MMP7: variants seen among roughly 807,000 people sequenced by gnomAD.
MMP7 encodes the protein matrilysin.
A neutral mutation model predicts 31.5 loss-of-function variants in MMP7; 26 were observed. The observed-to-expected ratio is 0.83, with a 90% CI of 0.61 to 1.15. The LOEUF is 1.15. MMP7 is among the 50% of genes most tolerant of loss of function. The pLI is 0.00. For synonymous variants in MMP7, 142 were observed against 124.2 expected (o/e 1.14, Z -0.95); for missense variants, 367 against 326.5 (o/e 1.12, Z -0.96).
At chr11:102,527,250 G>T (rs1172667878) in intron 3 of MMP7, 5 of 432,300 alleles carry the variant, frequency 1.2e-5, no homozygotes, top group Non-Finnish European at 1.3e-5. Flanking sequence ...AAATGAAGGA[G>T]CCTGACTGTG....
chr11:102,520,764 T>A lies in MMP7; in HGVS notation c.*12A>T. 2 of 1,561,638 alleles carry A rather than the reference T, an allele frequency of 1.3e-6. No individual in the cohort carries two copies. The highest frequency in any genetic ancestry group is 2.3e-5 in the South Asian group (2 of 88,882). ...CCAATGAATGAATGAATGGATGTTC[T>A]GCCTGAAGTTTCTATTTCTTTCTTG... On this transcript the variant is annotated 3_prime_UTR_variant, in exon 6 of 6. Transcript: ENST00000260227.
chr11:102,528,309 T>G (rs1278280674), intron 1 of MMP7, among the ~76,000 whole-genome samples: 1 of 152,204 alleles, frequency 6.6e-6, no homozygotes, highest in African/African-American at 2.4e-5. Flanking sequence ...CATGTACCAG[T>G]CTGTCCTCAG....
intron 5 of MMP7, among the ~76,000 whole-genome samples, chr11:102,521,024 G>C (rs545860684): frequency 6.6e-6 from 1 of 152,156 alleles, no homozygotes; most frequent in Non-Finnish European, 1.5e-5. Flanking sequence ...TTTGCATCTT[G>C]TTTCTACCAG....
chr11:102,527,312 T>C (rs558291555), intron 3 of MMP7: 1 of 581,432 alleles, frequency 1.7e-6, no homozygotes, highest in South Asian at 2.2e-5. Context: ...ATTTGGCTCA[T>C]GCATCATAGT....
At chr11:102,527,125 G>A (rs930349443) in intron 3 of MMP7, 8 of 239,092 alleles carry the variant, frequency 3.3e-5, no homozygotes, top group African/African-American at 1.4e-4. Flanking sequence ...AATAATTCAC[G>A]TTACAAAACA....
chr11:102,527,316 T>C (rs1485805654), intron 3 of MMP7: 1 of 598,702 alleles, frequency 1.7e-6, no homozygotes, highest in East Asian at 3.0e-5. Context: ...GGCTCATGCA[T>C]CATAGTTTGC....
Position 102,526,272 on chromosome 11 carries a change from C to T in MMP7, c.485-1208G>A, listed in dbSNP as rs147543852. Among the ~76,000 whole-genome samples, 3 of 146,344 alleles carry T rather than the reference C, an allele frequency of 2.0e-5. No individual in the cohort carries two copies. In the East Asian group the frequency reaches 6.0e-4, roughly 29 times the overall value. ...TTTTTTCTTTTGAGACATAGTCTTG[C>T]TCTGTTGCCCAGGCTGGAATACAGT... On this transcript the variant is annotated intron_variant, in intron 3 of 5. Coordinates refer to ENST00000260227, the MANE Select transcript of MMP7 (RefSeq NM_002423.5).
At chr11:102,524,864 T>A in intron 4 of MMP7, 72 bp downstream of exon 4, 1 of 1,505,160 alleles carries the variant, frequency 6.6e-7, no homozygotes, top group Non-Finnish European at 8.9e-7. Flanking sequence ...TAAATTAATA[T>A]AATTATTTAA....
chr11:102,528,392 A>G (rs1002467841), intron 1 of MMP7, among the ~76,000 whole-genome samples: 1 of 152,180 alleles, frequency 6.6e-6, no homozygotes, highest in Non-Finnish European at 1.5e-5. Context: ...AGCCCTATCT[A>G]AAGTCCAGCT....
intron 3 of MMP7, 26 bp downstream of exon 3, chr11:102,527,498 G>A (rs1858684687): frequency 6.2e-7 from 1 of 1,613,838 alleles, no homozygotes; most frequent in South Asian, 1.1e-5. Context: ...CAGGACACAG[G>A]ATTAGCCTAC....
chr11:102,526,214 T>TAA (rs10565156), intron 3 of MMP7, among the ~76,000 whole-genome samples: 236 of 123,988 alleles, frequency 1.9e-3, no homozygotes, highest in African/African-American at 7.0e-3. Flanking sequence ...AAAACCCACG[T>TAA]AAAAAAAAAA....
chr11:102,530,510 T>C, intron 1 of MMP7, 83 bp downstream of exon 1: 3 of 1,109,546 alleles, frequency 2.7e-6, no homozygotes, highest in South Asian at 2.6e-5. Flanking sequence ...AATGCTAACA[T>C]GGGAAGGGAA....
chr11:102,525,611 C>T (rs1858661555), intron 3 of MMP7, among the ~76,000 whole-genome samples: 1 of 152,028 alleles, frequency 6.6e-6, no homozygotes, highest in South Asian at 2.1e-4. Flanking sequence ...TGAAAGCTTA[C>T]TGGATACAGG....
chr11:102,520,687 G>A lies in MMP7; in HGVS notation c.*89C>T. 1 of 1,064,210 alleles carries A rather than the reference G, an allele frequency of 9.4e-7. No individual in the cohort carries two copies. The highest frequency in any genetic ancestry group is 1.4e-6 in the Non-Finnish European group (1 of 732,498). The allele number at this position is 1,064,210 out of a possible 1,614,324, so 65.9% of individuals were successfully genotyped here. ...AAAAGGGTGACATAATTGCTAAATG[G>A]AGTGGAGGAACAGTGCTTATCAATT... is the stretch of plus-strand genomic sequence containing the variant. On this transcript the variant is annotated 3_prime_UTR_variant, in exon 6 of 6. Transcript: ENST00000260227.
At chr11:102,522,747 A>G (rs951937131) in intron 5 of MMP7, among the ~76,000 whole-genome samples, 1 of 152,266 alleles carries the variant, frequency 6.6e-6, no homozygotes, top group African/African-American at 2.4e-5. Context: ...GGCAAGGGAT[A>G]TACATAAGTA....
In MMP7 at chr11:102,530,650, G is replaced by C. The variant is rs1334858431; in HGVS notation, c.51C>G (p.Ala17=). 6.2e-7 allele frequency: 1 copy of C among 1,613,874 alleles called. No individual in the cohort carries two copies. Among genetic ancestry groups the C allele is most frequent in the African/African-American group, 1.3e-5 (1 of 74,908 alleles). ...CTCCCGCCTCCTGAGGCAGCGGCAG[G>C]GCCAGGCTGCCAGGCAGCAGGCACA... ...CAVCLLPGSL[A]LPLPQEAGGM... Residue 17 remains alanine (A), a synonymous_variant, in exon 1 of 6, where the codon GCC becomes GCG. Coordinates refer to ENST00000260227, the MANE Select transcript of MMP7 (RefSeq NM_002423.5).
rs143001864 is a variant in MMP7 at position 102,530,634 on chromosome 11, C to T, written c.67G>A (p.Glu23Lys). Residue 23 changes from glutamate to lysine, a missense_variant, in exon 1 of 6, where the codon GAG becomes AAG. Glu to Lys is a moderately conservative substitution (Grantham distance 56). Transcript: ENST00000260227. ...PGSLALPLPQ[E>K]AGGMSELQWE... Reference sequence around the variant, plus strand: ...TGTAGCTCACTCATGCCTCCCGCCTCCTGAGGCAGCGGCAGGGCCAGGCTG... The same window carrying T: ...TGTAGCTCACTCATGCCTCCCGCCTTCTGAGGCAGCGGCAGGGCCAGGCTG... The T allele has an allele frequency of 7.5e-5, 121 of 1,614,064 alleles. No homozygotes were observed. In the African/African-American group the frequency reaches 1.5e-3, roughly 20 times the overall value.
chr11:102,524,762 T>G, intron 4 of MMP7, 174 bp downstream of exon 4: 2 of 556,074 alleles, frequency 3.6e-6, no homozygotes, highest in Non-Finnish European at 5.1e-6. Flanking sequence ...GTCCATCTTC[T>G]GTGTGTAGCA....
rs949892296 is a variant in MMP7, at chr11:102,530,504, C to A, written c.108+89G>T. 4.7e-6 allele frequency: 5 copies of A among 1,062,904 alleles called. No homozygotes were observed. In the African/African-American group the frequency reaches 7.8e-5, roughly 17 times the overall value. 65.8% of individuals were successfully genotyped at this position (1,062,904 alleles called of 1,614,324 possible). ...CCCCAAAGAAAATTCCACTGCAATGCTAACATGGGAAGGGAAATAATTGAA... is the reference window on the plus strand; with the variant it reads ...CCCCAAAGAAAATTCCACTGCAATGATAACATGGGAAGGGAAATAATTGAA... On this transcript the variant is annotated intron_variant, in intron 1 of 5. Transcript: ENST00000260227.
Sources: gnomAD v4.1 joint callset for allele counts (sites outside exome capture counted in the v4.1 genomes callset) on GRCh38, gnomAD v4.1.1 for gene constraint, MANE v1.5 for transcripts, NCBI Gene and HGNC (gene_info 2026-07-23, HGNC 2026-07-21) for gene names.